The following ARPC1A variants were observed in gnomAD, a reference collection of about 807,000 sequenced individuals.
The protein encoded by ARPC1A is actin related protein 2/3 complex subunit 1A, also known as actin-related protein 2/3 complex subunit 1A.
ARPC1A carries 8 observed loss-of-function variants against 46.9 expected under a neutral mutation model. The ratio of observed to expected loss-of-function variants is 0.17; its 90% confidence interval spans 0.10 to 0.31. ARPC1A has a LOEUF of 0.31. ARPC1A is among the 10% of genes least tolerant of loss of function. ARPC1A has a pLI of 1.00. For missense variants in ARPC1A, 286 were observed against 483.6 expected (o/e 0.59, Z 3.83); for synonymous variants, 152 against 169.0 (o/e 0.90, Z 0.78).
chr7:99,366,070 A>T lies in ARPC1A; in HGVS notation c.*141A>T, dbSNP rs776503688. On this transcript the variant is annotated 3_prime_UTR_variant, in exon 10 of 10. Coordinates refer to ENST00000262942, the MANE Select transcript of ARPC1A (RefSeq NM_006409.4). ...ATGCCGTGTGGTTTTGTTTGAATATAAAATTGGTGAAAGTGTTGGTTTTTT... is the reference window on the plus strand; with the variant it reads ...ATGCCGTGTGGTTTTGTTTGAATATTAAATTGGTGAAAGTGTTGGTTTTTT... 2 of 1,048,020 alleles carry T rather than the reference A, an allele frequency of 1.9e-6. No homozygotes were observed. Among genetic ancestry groups the T allele is most frequent in the African/African-American group, 3.3e-5 (2 of 61,342 alleles). 64.9% of individuals were successfully genotyped at this position (1,048,020 alleles called of 1,614,324 possible). A position where few individuals can be genotyped will look rare whatever the true frequency, so the allele number is the denominator to read the frequency against.
At chr7:99,331,407 AC>A (rs1265544450) in intron 1 of ARPC1A, among the ~76,000 whole-genome samples, 1 of 124,272 alleles carries the variant, frequency 8.0e-6, no homozygotes, top group Non-Finnish European at 1.7e-5. Flanking sequence ...CCTGCCCCCC[AC>A]CCAAAAAAAG....
At chr7:99,333,578 T>C (rs1793185304) in intron 2 of ARPC1A, among the ~76,000 whole-genome samples, 161 bp downstream of exon 2, 1 of 152,154 alleles carries the variant, frequency 6.6e-6, no homozygotes, top group Non-Finnish European at 1.5e-5. Context: ...GGTTTACAGA[T>C]AGATAAACTG....
chr7:99,355,692 C>G (rs148192563), intron 6 of ARPC1A, among the ~76,000 whole-genome samples: 1 of 151,646 alleles, frequency 6.6e-6, no homozygotes, highest in Non-Finnish European at 1.5e-5. Context: ...TGCAGTGAAC[C>G]GAGATCATGC....
chr7:99,354,161 G>A (rs1361345542), intron 6 of ARPC1A, 40 bp downstream of exon 6: 2 of 1,596,050 alleles, frequency 1.3e-6, no homozygotes, highest in East Asian at 2.2e-5. Context: ...GGGAACAAGG[G>A]GTGGGATCTC....
At chr7:99,342,799 T>C (rs903678619) in intron 3 of ARPC1A, among the ~76,000 whole-genome samples, 9 of 145,456 alleles carry the variant, frequency 6.2e-5, no homozygotes, top group Admixed American at 2.1e-4. Context: ...CTCGGCTCAC[T>C]GTAAGCTCCG....
chr7:99,338,372 G>C, intron 3 of ARPC1A, 87 bp downstream of exon 3: 1 of 767,314 alleles, frequency 1.3e-6, no homozygotes, highest in Non-Finnish European at 1.8e-6. Flanking sequence ...AACCCAGGTG[G>C]CCATAATTTT....
intron 7 of ARPC1A, chr7:99,358,655 C>T (rs1793684335): frequency 2.2e-6 from 1 of 448,964 alleles, no homozygotes; most frequent in Admixed American, 3.9e-5. Flanking sequence ...ATTCTCCCGC[C>T]TCAGCCTCTC....
rs200713192 is a variant in ARPC1A at position 99,347,380 on chromosome 7, A to G, written c.393-1472A>G. 6.1e-4 allele frequency among the ~76,000 whole-genome samples: 93 copies of G among 152,294 alleles called. 1 individual carries two copies. In the East Asian group the frequency reaches 0.014, roughly 24 times the overall value. On this transcript the variant is annotated intron_variant, in intron 4 of 9. Transcript: ENST00000262942. ...GCCTCTGCACCTGGCTGTCTTTTTC[A>G]GAATGAACTTCTTCAGACAGGATAC...
At chr7:99,341,800 A>G (rs974519289) in intron 3 of ARPC1A, among the ~76,000 whole-genome samples, 1 of 152,106 alleles carries the variant, frequency 6.6e-6, no homozygotes, top group African/African-American at 2.4e-5. Flanking sequence ...AGCTGCTCAC[A>G]TGGCATTTTT....
At chr7:99,359,988 A>G in intron 8 of ARPC1A, 1 of 542,794 alleles carries the variant, frequency 1.8e-6, no homozygotes, top group South Asian at 2.0e-5. Flanking sequence ...AGCCAGCAGG[A>G]GCAGTGCAGA....
chr7:99,348,713 A>T (rs1381638999), intron 4 of ARPC1A, 139 bp from the exon 5 acceptor site: 2 of 506,838 alleles, frequency 3.9e-6, no homozygotes, highest in East Asian at 6.5e-5. Context: ...AAAAAATAAT[A>T]TTCTGAATTG....
At chr7:99,363,677 T>C in intron 9 of ARPC1A, 44 bp downstream of exon 9, 1 of 847,512 alleles carries the variant, frequency 1.2e-6, no homozygotes. Context: ...TGTTAAAACT[T>C]TTTTTTTTTT....
At chr7:99,361,726 T>A (rs1432721736) in intron 8 of ARPC1A, among the ~76,000 whole-genome samples, 1 of 152,228 alleles carries the variant, frequency 6.6e-6, no homozygotes, top group Non-Finnish European at 1.5e-5. Flanking sequence ...AGTCTACTTT[T>A]ATTTGCAGAA....
At chr7:99,344,723 C>T (rs943992459) in intron 4 of ARPC1A, among the ~76,000 whole-genome samples, 2 of 151,918 alleles carry the variant, frequency 1.3e-5, no homozygotes, top group African/African-American at 4.8e-5. Flanking sequence ...GCTATTGTGT[C>T]CATGTTCTGA....
At chr7:99,329,294 C>G (rs547442469) in intron 1 of ARPC1A, among the ~76,000 whole-genome samples, 1 of 150,832 alleles carries the variant, frequency 6.6e-6, no homozygotes, top group East Asian at 2.0e-4. Flanking sequence ...GAGCGAGACT[C>G]CGTCTCAAAA....
At chr7:99,347,348 G>T (rs1034075916) in intron 4 of ARPC1A, among the ~76,000 whole-genome samples, 1 of 152,172 alleles carries the variant, frequency 6.6e-6, no homozygotes, top group Admixed American at 6.6e-5. Flanking sequence ...TGGGAGTATA[G>T]TTGCAAGCCT....
chr7:99,365,331 A>G (rs905268845), intron 9 of ARPC1A, among the ~76,000 whole-genome samples: 1 of 151,932 alleles, frequency 6.6e-6, no homozygotes, highest in African/African-American at 2.4e-5. Flanking sequence ...CACTCCTGTA[A>G]TCCCAGCACT....
chr7:99,345,942 A>C (rs1793437837), intron 4 of ARPC1A, among the ~76,000 whole-genome samples: 1 of 152,162 alleles, frequency 6.6e-6, no homozygotes, highest in Non-Finnish European at 1.5e-5. Flanking sequence ...GGCCAGGTAC[A>C]GTGGCTCATG....
intron 2 of ARPC1A, 58 bp from the exon 3 acceptor site, chr7:99,338,123 C>A (rs2150861973): frequency 7.5e-7 from 1 of 1,325,892 alleles, no homozygotes; most frequent in Non-Finnish European, 1.1e-6. Flanking sequence ...TGACATGTCC[C>A]CTTTTTGGTG....
Sources: allele counts gnomAD v4.1 joint callset (sites outside exome capture counted in the v4.1 genomes callset), GRCh38; gene constraint gnomAD v4.1.1; transcripts MANE v1.5; gene names NCBI Gene and HGNC (gene_info 2026-07-23, HGNC 2026-07-21).